SYK: variants seen among roughly 807,000 people sequenced by gnomAD.
SYK encodes spleen associated tyrosine kinase.
A neutral mutation model predicts 77.8 loss-of-function variants in SYK; 16 were observed. The ratio of observed to expected loss-of-function variants is 0.21; its 90% CI spans 0.14 to 0.31. The LOEUF is 0.31. SYK is among the 10% of genes least tolerant of loss of function. SYK has a pLI of 1.00. For missense variants in SYK, 529 were observed against 814.4 expected, an observed-to-expected ratio of 0.65 and a Z score of 4.26; for synonymous variants, 312 against 308.7, an observed-to-expected ratio of 1.01 and a Z score of -0.11.
chr9:90,813,730 C>G (rs756429528), intron 1 of SYK, among the ~76,000 whole-genome samples: 6 of 152,148 alleles, frequency 3.9e-5, no homozygotes, highest in Non-Finnish European at 8.8e-5. Flanking sequence ...GAATTGAAGA[C>G]AGGGTTCTTT....
intron 11 of SYK, among the ~76,000 whole-genome samples, chr9:90,885,433 G>T (rs936742637): frequency 6.6e-6 from 1 of 152,058 alleles, no homozygotes; most frequent in Admixed American, 6.5e-5. Flanking sequence ...GCAAAAGAAA[G>T]AATCTCAGAA....
In SYK at chr9:90,847,360, C is replaced by T. The variant is rs1826639017; in HGVS notation, c.578+1766C>T. ...AGAGGGGCCTGGGCTTCTGTGTTTT[C>T]ATCGAGCACCCTCTCCTTAGTTGTC... On this transcript the variant is annotated intron_variant, in intron 3 of 13. Coordinates refer to ENST00000375754, the MANE Select transcript of SYK (RefSeq NM_003177.7). Among the ~76,000 whole-genome samples the T allele has an allele frequency of 2.6e-5, 4 of 152,256 alleles. No individual in the cohort carries two copies. In the South Asian group the frequency reaches 8.3e-4, roughly 32 times the overall value.
chr9:90,881,956 A>G (rs775334863), intron 11 of SYK, among the ~76,000 whole-genome samples: 2 of 152,238 alleles, frequency 1.3e-5, no homozygotes, highest in Non-Finnish European at 2.9e-5. Context: ...TAGCAGATTC[A>G]CAGGAAGCTC....
intron 1 of SYK, among the ~76,000 whole-genome samples, chr9:90,842,098 G>A (rs1328342882): frequency 7.1e-6 from 1 of 141,790 alleles, no homozygotes; most frequent in African/African-American, 2.5e-5. Context: ...TGTGTGTAGT[G>A]TGTGTAGTGT....
chr9:90,845,556 A>T lies in SYK; in HGVS notation c.540A>T (p.Gln180His). The T allele has an allele frequency of 6.2e-7, 1 of 1,614,194 alleles. No individual in the cohort carries two copies. Among genetic ancestry groups the T allele is most frequent in the Non-Finnish European group, 8.5e-7 (1 of 1,180,016 alleles). ...HGKISREESE[Q>H]IVLIGSKTNG... ...AAATCTCTCGGGAAGAATCTGAGCA[A>T]ATTGTCCTGATAGGATCAAAGACAA... The change falls in exon 3 of 14, where the codon CAA (glutamine) becomes CAT (histidine). Residue 180 changes from glutamine (Q) to histidine (H), a missense_variant. Physicochemically the swap from Gln to His is conservative, Grantham distance 24. This residue lies in a region of SYK where 321 missense variants were observed against 433.1 expected (regional missense o/e 0.74). Coordinates refer to ENST00000375754, the MANE Select transcript of SYK (RefSeq NM_003177.7).
chr9:90,826,061 C>T (rs947268854), intron 1 of SYK, among the ~76,000 whole-genome samples: 1 of 152,160 alleles, frequency 6.6e-6, no homozygotes, highest in Non-Finnish European at 1.5e-5. Context: ...GGTCCAGAGA[C>T]GCACATTGAG....
rs536679883 is a variant in SYK at position 90,851,747 on chromosome 9, A to G, written c.578+6153A>G. 2.6e-4 allele frequency among the ~76,000 whole-genome samples: 39 copies of G among 152,338 alleles called. No homozygotes were observed. The South Asian group carries it at 7.9e-3, about 31-fold the overall frequency. On this transcript the variant is annotated intron_variant, in intron 3 of 13. Transcript: ENST00000375754. ...AGTCACAGCTGTCTGTGAAAAATGA[A>G]TTTGTTAGGAAAAGGAAACAAAGCT...
intron 1 of SYK, among the ~76,000 whole-genome samples, chr9:90,831,740 G>A (rs926928855): frequency 2.0e-5 from 3 of 152,156 alleles, no homozygotes; most frequent in Admixed American, 1.3e-4. Flanking sequence ...CAACACATAC[G>A]TTGAGGTCGC....
chr9:90,812,213 G>A (rs1825108837), intron 1 of SYK, among the ~76,000 whole-genome samples: 2 of 152,108 alleles, frequency 1.3e-5, no homozygotes, highest in South Asian at 2.1e-4. Flanking sequence ...TATTTACAAC[G>A]ATCAGGAGTG....
chr9:90,809,949 C>G (rs1212699091), intron 1 of SYK, among the ~76,000 whole-genome samples: 2 of 151,968 alleles, frequency 1.3e-5, no homozygotes, highest in African/African-American at 4.8e-5. Context: ...ATGATTTGGT[C>G]AAGGAAAGGC....
chr9:90,828,706 G>T (rs532351033), intron 1 of SYK, among the ~76,000 whole-genome samples: 12 of 152,208 alleles, frequency 7.9e-5, no homozygotes, highest in African/African-American at 2.6e-4. Flanking sequence ...TTGCGTGTGC[G>T]TCCCTTCCCC....
At chr9:90,851,248 C>T (rs1281868337) in intron 3 of SYK, among the ~76,000 whole-genome samples, 1 of 152,152 alleles carries the variant, frequency 6.6e-6, no homozygotes, top group Non-Finnish European at 1.5e-5. Flanking sequence ...AGATGCAGCA[C>T]CAGGGCATGT....
intron 1 of SYK, among the ~76,000 whole-genome samples, chr9:90,812,634 G>T (rs1198882893): frequency 6.6e-6 from 1 of 152,160 alleles, no homozygotes; most frequent in Non-Finnish European, 1.5e-5. Flanking sequence ...GGCTGATGAG[G>T]TTTCCACCAA....
At chr9:90,886,933 T>C (rs1006012234) in intron 11 of SYK, among the ~76,000 whole-genome samples, 3 of 152,134 alleles carry the variant, frequency 2.0e-5, no homozygotes, top group Non-Finnish European at 4.4e-5. Context: ...TATATATATA[T>C]ACACCTCTAG....
rs1483391047 is a variant in SYK at position 90,895,871 on chromosome 9, T to A, written c.*271T>A. 1 of 449,224 alleles carries A rather than the reference T, an allele frequency of 2.2e-6. No individual in the cohort carries two copies. The highest frequency in any genetic ancestry group is 4.1e-6 in the Non-Finnish European group (1 of 243,524). The allele number at this position is 449,224 out of a possible 1,614,324, so 27.8% of individuals were successfully genotyped here. On this transcript the variant is annotated 3_prime_UTR_variant, in exon 14 of 14. Coordinates refer to ENST00000375754, the MANE Select transcript of SYK (RefSeq NM_003177.7). This position sits in a 1 kb window ranked among gnomAD's most constrained non-coding sequence, Gnocchi z 4.4. ...TCTGTGTGATTTTCATACAGGTTAT[T>A]TTTACGATCTGTTTCCAAATCCCTT...
At position 90,887,824 on chromosome 9, in the gene SYK, A is replaced by G; in HGVS notation, c.1657A>G (p.Ser553Gly). Residue 553 changes from serine (S) to glycine (G), a missense_variant, in exon 12 of 14, where the codon AGC becomes GGC. Ser to Gly is a moderately conservative substitution (Grantham distance 56). Transcript: ENST00000375754. ...CAACTACTACAAGTTCTCCAGCAAAAGCGATGTCTGGAGCTTTGGAGTGTT... is the reference window on the plus strand; with the variant it reads ...CAACTACTACAAGTTCTCCAGCAAAGGCGATGTCTGGAGCTTTGGAGTGTT... ...CINYYKFSSK[S>G]DVWSFGVLMW... The G allele has an allele frequency of 6.2e-7, 1 of 1,613,574 alleles. No individual in the cohort carries two copies. The highest frequency in any genetic ancestry group is 8.5e-7 in the Non-Finnish European group (1 of 1,179,796).
chr9:90,805,221 T>A (rs1333634), intron 1 of SYK, among the ~76,000 whole-genome samples: 63,743 of 151,940 alleles, frequency 0.42, 14,150 homozygotes, highest in East Asian at 0.62. Flanking sequence ...ATGTTGATGA[T>A]TACTGGATTA....
chr9:90,807,928 G>A (rs1213347795), intron 1 of SYK, among the ~76,000 whole-genome samples: 1 of 152,160 alleles, frequency 6.6e-6, no homozygotes, highest in Non-Finnish European at 1.5e-5. Context: ...AGATATAATG[G>A]TGGGCTGTGT....
intron 7 of SYK, among the ~76,000 whole-genome samples, chr9:90,868,350 G>T (rs1373759123): frequency 6.6e-6 from 1 of 152,076 alleles, no homozygotes; most frequent in East Asian, 1.9e-4. Context: ...GAACATGTCA[G>T]AAAAAAGTTG....
Sources: gnomAD v4.1 joint callset for allele counts (sites outside exome capture counted in the v4.1 genomes callset) on GRCh38, gnomAD v4.1.1 for gene constraint, gnomAD v4.1.1 regional missense constraint, Gnocchi (gnomAD v3.1) non-coding constraint, MANE v1.5 for transcripts, NCBI Gene and HGNC (gene_info 2026-07-23, HGNC 2026-07-21) for gene names.